ZDHHC14: variants seen among roughly 807,000 people sequenced by gnomAD.
ZDHHC14 encodes the protein zDHHC palmitoyltransferase 14.
In ZDHHC14, 16 loss-of-function variants were observed where a neutral mutation model predicts 47.7. The observed-to-expected ratio is 0.34, with a 90% CI of 0.23 to 0.51. The LOEUF is 0.51. Among genes scored for constraint, ZDHHC14 ranks in the 20% least tolerant of loss-of-function variants. The pLI is 0.97. For synonymous variants in ZDHHC14, 293 were observed against 278.9 expected (o/e 1.05, Z -0.50); for missense variants, 515 against 662.5 (o/e 0.78, Z 2.44).
intron 8 of ZDHHC14, among the ~76,000 whole-genome samples, chr6:157,669,887 T>A (rs1778716499): frequency 6.6e-6 from 1 of 152,234 alleles, no homozygotes; most frequent in Non-Finnish European, 1.5e-5. Flanking sequence ...CCGCTGCGGC[T>A]CAGCTGCCTC....
Position 157,542,600 on chromosome 6 carries a change from G to A in ZDHHC14, c.261G>A (p.Ala87=), listed in dbSNP as rs751313084. 31 of 1,613,926 alleles carry A rather than the reference G, an allele frequency of 1.9e-5. No individual in the cohort carries two copies. Among genetic ancestry groups the A allele is most frequent in the East Asian group, 1.3e-4 (6 of 44,890 alleles). ...CTGTCGGCAGCTGTCCGTACCTGGC[G>A]GTGAAAATCACCCCTGCCATCCCTG... ...LFFAFDCPYL[A]VKITPAIPAV... Residue 87 remains alanine (A), a synonymous_variant, in exon 2 of 9, where the codon GCG becomes GCA. Transcript: ENST00000359775.
rs1304082453 is a variant in ZDHHC14 at position 157,427,539 on chromosome 6, C to T, written c.245+45273C>T. On this transcript the variant is annotated intron_variant, in intron 1 of 8. Transcript: ENST00000359775. The surrounding 1 kb of genome is among the most constrained non-coding windows in gnomAD (Gnocchi z 4.4). ...GGAGTTTAACAGAGCAAATGCAGGA[C>T]CAGGAGGCTGGAAAGTCAACAGCAA... 6.6e-6 allele frequency among the ~76,000 whole-genome samples: 1 copy of T among 151,930 alleles called. No homozygotes were observed. The highest frequency in any genetic ancestry group is 1.9e-4 in the East Asian group (1 of 5,182).
intron 1 of ZDHHC14, among the ~76,000 whole-genome samples, chr6:157,439,009 A>G (rs1184179205): frequency 6.6e-6 from 1 of 152,210 alleles, no homozygotes; most frequent in Non-Finnish European, 1.5e-5. Context: ...TCATATTGCC[A>G]ACAAAGAGTT....
chr6:157,443,519 A>G (rs941387935), intron 1 of ZDHHC14, among the ~76,000 whole-genome samples: 1 of 152,176 alleles, frequency 6.6e-6, no homozygotes, highest in African/African-American at 2.4e-5. Flanking sequence ...AAGAAACCAG[A>G]TGGTGGAATT....
At chr6:157,588,065 G>C (rs753011860) in intron 2 of ZDHHC14, among the ~76,000 whole-genome samples, 1 of 152,072 alleles carries the variant, frequency 6.6e-6, no homozygotes. Context: ...GACCAGCCTG[G>C]CCAACATATA....
intron 1 of ZDHHC14, among the ~76,000 whole-genome samples, chr6:157,441,951 A>G (rs933390425): frequency 2.0e-5 from 3 of 152,254 alleles, no homozygotes; most frequent in Admixed American, 1.3e-4. Flanking sequence ...CATTAGCATT[A>G]CAGTTAACTC....
At chr6:157,638,026 G>A (rs1298252883) in intron 5 of ZDHHC14, among the ~76,000 whole-genome samples, 2 of 152,194 alleles carry the variant, frequency 1.3e-5, no homozygotes, top group Non-Finnish European at 2.9e-5. Context: ...TCTACTGTAA[G>A]TAAGCCCGGA....
At chr6:157,454,089 A>C (rs1394185817) in intron 1 of ZDHHC14, among the ~76,000 whole-genome samples, 1 of 152,210 alleles carries the variant, frequency 6.6e-6, no homozygotes, top group Non-Finnish European at 1.5e-5. Context: ...GCTGCCCCAC[A>C]AAGTCCTCAA....
At chr6:157,626,579 C>T (rs907106381) in intron 3 of ZDHHC14, among the ~76,000 whole-genome samples, 1 of 152,132 alleles carries the variant, frequency 6.6e-6, no homozygotes, top group Non-Finnish European at 1.5e-5. Context: ...TCCCATCTCC[C>T]CCTCCCCTCC....
At chr6:157,386,146 A>G (rs1777306497) in intron 1 of ZDHHC14, among the ~76,000 whole-genome samples, 1 of 152,092 alleles carries the variant, frequency 6.6e-6, no homozygotes, top group Non-Finnish European at 1.5e-5. Flanking sequence ...ATTTTGAGGA[A>G]GGGAACATGT....
intron 2 of ZDHHC14, among the ~76,000 whole-genome samples, chr6:157,585,383 G>A (rs1278228271): frequency 5.6e-5 from 8 of 142,444 alleles, no homozygotes; most frequent in African/African-American, 2.1e-4. Context: ...AGGCACAACT[G>A]TTACCAACAA....
chr6:157,419,534 G>A (rs552282396), intron 1 of ZDHHC14, among the ~76,000 whole-genome samples: 7 of 152,268 alleles, frequency 4.6e-5, no homozygotes, highest in East Asian at 1.9e-4. Context: ...GTCTTTTCCC[G>A]ACTGTCGTAG....
intron 8 of ZDHHC14, among the ~76,000 whole-genome samples, chr6:157,654,662 TG>T (rs1234868402): frequency 7.2e-5 from 11 of 151,976 alleles, no homozygotes; most frequent in African/African-American, 9.6e-5. Flanking sequence ...CAGAGATGGC[TG>T]GGGTTTACGT....
Position 157,481,488 on chromosome 6 carries a change from CA to C in ZDHHC14, c.246-61096del, listed in dbSNP as rs531059199. ...TTGCTGGCCTGATCTCCTGCACTCC[CA>C]CCGACCCTCTGATTCAGACAAGCTG... On this transcript the variant is annotated intron_variant, in intron 1 of 8. Transcript: ENST00000359775. Among the ~76,000 whole-genome samples the C allele has an allele frequency of 4.7e-3, 712 of 152,276 alleles. 5 individuals carry two copies. Among genetic ancestry groups the C allele is most frequent in the African/African-American group, 0.016 (667 of 41,544 alleles).
chr6:157,595,100 A>G (rs186062905), intron 3 of ZDHHC14, among the ~76,000 whole-genome samples: 53 of 150,754 alleles, frequency 3.5e-4, no homozygotes, highest in African/African-American at 1.3e-3. Context: ...TATCATTTAT[A>G]AAACTTTTTA....
intron 2 of ZDHHC14, among the ~76,000 whole-genome samples, chr6:157,546,465 A>G (rs908639153): frequency 5.3e-5 from 8 of 152,204 alleles, no homozygotes; most frequent in African/African-American, 1.9e-4. Context: ...CCTGTCTTCA[A>G]ACTTCTGAGA....
intron 1 of ZDHHC14, among the ~76,000 whole-genome samples, chr6:157,400,593 C>T (rs1308245067): frequency 6.6e-6 from 1 of 152,116 alleles, no homozygotes; most frequent in Non-Finnish European, 1.5e-5. Flanking sequence ...ATTTCATGAC[C>T]CACAACCTGC....
At chr6:157,515,558 A>G (rs557444159) in intron 1 of ZDHHC14, among the ~76,000 whole-genome samples, 58 of 146,906 alleles carry the variant, frequency 3.9e-4, no homozygotes, top group Non-Finnish European at 7.3e-4. Flanking sequence ...CCGCCTCCCG[A>G]GTTCACGCCA....
chr6:157,433,114 A>G (rs1562422896), intron 1 of ZDHHC14, among the ~76,000 whole-genome samples: 1 of 152,210 alleles, frequency 6.6e-6, no homozygotes, highest in Non-Finnish European at 1.5e-5. Context: ...TTCTTTGAGA[A>G]CCTTGTCATG....
Sources: gnomAD v4.1 joint callset for allele counts (sites outside exome capture counted in the v4.1 genomes callset) on GRCh38, gnomAD v4.1.1 for gene constraint, Gnocchi (gnomAD v3.1) non-coding constraint, MANE v1.5 for transcripts, NCBI Gene and HGNC (gene_info 2026-07-23, HGNC 2026-07-21) for gene names.